TDRD15: variants seen among roughly 807,000 people sequenced by gnomAD.
The protein encoded by TDRD15 is tudor domain-containing protein 15.
For synonymous variants in TDRD15, 503 were observed against 314.5 expected, an observed-to-expected ratio of 1.60 and a Z score of -6.34; for missense variants, 1,416 against 904.7, an observed-to-expected ratio of 1.57 and a Z score of -7.25.
At chr2:21,124,150 C>T (rs1032924993) in intron 1 of TDRD15, 104 bp downstream of exon 1, 1 of 152,732 alleles carries the variant, frequency 6.5e-6, no homozygotes, top group Admixed American at 6.5e-5. Context: ...GCTTTGGCCT[C>T]CCAGGGGCGG....
Position 21,140,404 on chromosome 2 carries a change from GT to G in TDRD15, c.2941del (p.Tyr981IlefsTer11), listed in dbSNP as rs1665898681. 1 of 695,252 alleles carries G rather than the reference GT, an allele frequency of 1.4e-6. No individual in the cohort carries two copies. Among genetic ancestry groups the G allele is most frequent in the Non-Finnish European group, 2.6e-6 (1 of 378,458 alleles). 43.1% of individuals were successfully genotyped at this position (695,252 alleles called of 1,614,324 possible). A position where few individuals can be genotyped will look rare whatever the true frequency, so the allele number is the denominator to read the frequency against. Reference protein sequence around the residue: ...YISHIYSPQKFYCQLGRNNKD... With the variant: ...YISHIYSPQKXYCQLGRNNKD... ...TATCTCACATATATAGTCCCCAAAA[GT>G]TTTATTGCCAGCTTGGCAGAAATAA... On this transcript the variant is annotated frameshift_variant, in exon 4 of 4. Transcript: ENST00000405799. LOFTEE classifies it low-confidence loss of function (END_TRUNC).
chr2:21,143,306 T>A lies in TDRD15; in HGVS notation c.*34T>A, dbSNP rs775095787. ...GTAAGCCTATTTTCCCATTGTTAGA[T>A]CAAAATTGTTACAAAAAACAAAATA... On this transcript the variant is annotated 3_prime_UTR_variant, in exon 4 of 4. Coordinates refer to ENST00000405799, the MANE Select transcript of TDRD15 (RefSeq NM_001306137.2). The A allele has an allele frequency of 5.6e-5, 29 of 519,084 alleles. No individual in the cohort carries two copies. The highest frequency in any genetic ancestry group is 3.8e-4 in the Admixed American group (10 of 26,564). 32.2% of individuals were successfully genotyped at this position (519,084 alleles called of 1,614,324 possible).
At chr2:21,132,550 A>G (rs1056849953) in intron 2 of TDRD15, among the ~76,000 whole-genome samples, 4 of 152,016 alleles carry the variant, frequency 2.6e-5, no homozygotes, top group Non-Finnish European at 4.4e-5. Context: ...TTCCTGGTGG[A>G]TTGTGAGTGG....
In TDRD15 at chr2:21,138,141, A is replaced by T. The variant is rs1030286268; in HGVS notation, c.674A>T (p.Asp225Val). 1 of 716,532 alleles carries T rather than the reference A, an allele frequency of 1.4e-6. No homozygotes were observed. The highest frequency in any genetic ancestry group is 1.7e-5 in the African/African-American group (1 of 57,214). The allele number at this position is 716,532 out of a possible 1,614,324, so 44.4% of individuals were successfully genotyped here. Residue 225 changes from aspartate (D) to valine (V), a missense_variant, in exon 4 of 4, where the codon GAT becomes GTT. Transcript: ENST00000405799. ...TTAGGTAATAAAGATACTTCACTTGATATTCAGCATGTTCTGGATAAGTTG... is the reference window on the plus strand; with the variant it reads ...TTAGGTAATAAAGATACTTCACTTGTTATTCAGCATGTTCTGGATAAGTTG... ...LSLGNKDTSL[D>V]IQHVLDKLQP...
intron 2 of TDRD15, among the ~76,000 whole-genome samples, chr2:21,133,037 T>TG (rs1403013841): frequency 6.6e-6 from 1 of 152,108 alleles, no homozygotes; most frequent in African/African-American, 2.4e-5. Flanking sequence ...GATGTTCCCT[T>TG]GGGGAAAAAA....
rs1356779687 is a variant in TDRD15 at position 21,138,531 on chromosome 2, C to T, written c.1064C>T (p.Ser355Phe). 3 of 715,762 alleles carry T rather than the reference C, an allele frequency of 4.2e-6. No homozygotes were observed. In the Admixed American group the frequency reaches 6.0e-5, roughly 14 times the overall value. 44.3% of individuals were successfully genotyped at this position (715,762 alleles called of 1,614,324 possible). A position where few individuals can be genotyped will look rare whatever the true frequency, so the allele number is the denominator to read the frequency against. Residue 355 changes from serine to phenylalanine, a missense_variant, in exon 4 of 4, where the codon TCT (serine) becomes TTT (phenylalanine). By Grantham distance (155) the Ser-to-Phe change is radical. Transcript: ENST00000405799. Reference sequence around the variant, plus strand: ...GTACCATTATTTTCATTTCCATGTTCTCTGACATGTTTGCACAGTCCAGAT... The same window carrying T: ...GTACCATTATTTTCATTTCCATGTTTTCTGACATGTTTGCACAGTCCAGAT... The part of the protein sequence containing the change: ...ILVPLFSFPC[S>F]LTCLHSPDRD...
Position 21,138,136 on chromosome 2 carries a change from A to G in TDRD15, c.669A>G (p.Ser223=), listed in dbSNP as rs1665847957. The part of the protein sequence containing the change: ...PELSLGNKDT[S]LDIQHVLDKL... The stretch of plus-strand genomic sequence containing the variant: ...TGTCATTAGGTAATAAAGATACTTC[A>G]CTTGATATTCAGCATGTTCTGGATA... The change falls in exon 4 of 4, where the codon TCA becomes TCG. Residue 223 remains serine, a synonymous_variant. Transcript: ENST00000405799. The G allele has an allele frequency of 5.6e-6, 4 of 716,662 alleles. No homozygotes were observed. The East Asian group carries it at 1.1e-4, about 19-fold the overall frequency. The allele number at this position is 716,662 out of a possible 1,614,324, so 44.4% of individuals were successfully genotyped here.
chr2:21,129,107 T>G (rs1377457600), intron 2 of TDRD15, among the ~76,000 whole-genome samples: 1 of 152,144 alleles, frequency 6.6e-6, no homozygotes, highest in African/African-American at 2.4e-5. Context: ...CCACTAATTT[T>G]TGTATTTATG....
At chr2:21,144,837 T>G (rs935100881), downstream of TDRD15, among the ~76,000 whole-genome samples, 1 of 151,820 alleles carries the variant, frequency 6.6e-6, no homozygotes, top group African/African-American at 2.4e-5. Flanking sequence ...AAGACTGACT[T>G]ATATTCATGG....
intron 2 of TDRD15, among the ~76,000 whole-genome samples, chr2:21,131,340 C>T (rs1665714333): frequency 6.6e-6 from 1 of 152,128 alleles, no homozygotes; most frequent in African/African-American, 2.4e-5. Flanking sequence ...CTTATAAAAT[C>T]ATGCATATTT....
At chr2:21,145,677 C>G (rs1294202539), downstream of TDRD15, among the ~76,000 whole-genome samples, 1 of 151,912 alleles carries the variant, frequency 6.6e-6, no homozygotes, top group Non-Finnish European at 1.5e-5. Flanking sequence ...TCCATACTTG[C>G]TATAATCATA....
Position 21,140,009 on chromosome 2 carries a change from G to T in TDRD15, c.2542G>T (p.Ala848Ser). 2.8e-6 allele frequency: 2 copies of T among 715,736 alleles called. No homozygotes were observed. Among genetic ancestry groups the T allele is most frequent in the South Asian group, 3.0e-5 (2 of 67,524 alleles). 44.3% of individuals were successfully genotyped at this position (715,736 alleles called of 1,614,324 possible). A position where few individuals can be genotyped will look rare whatever the true frequency, so the allele number is the denominator to read the frequency against. Residue 848 changes from alanine to serine, a missense_variant, in exon 4 of 4, where the codon GCA (alanine) becomes TCA (serine). By Grantham distance (99) the Ala-to-Ser change is moderately conservative. Coordinates refer to ENST00000405799, the MANE Select transcript of TDRD15 (RefSeq NM_001306137.2). ...AAGGGTTTTAATTGAAGATCTTTGT[G>T]CAATTAACCCACGTTTTCTCTTGTT... Reference protein sequence around the residue: ...QKRVLIEDLCAINPRFLLLES... With the variant: ...QKRVLIEDLCSINPRFLLLES...
downstream of TDRD15, among the ~76,000 whole-genome samples, chr2:21,145,401 C>T (rs1357828545): frequency 6.6e-6 from 1 of 151,860 alleles, no homozygotes; most frequent in East Asian, 1.9e-4. Context: ...TATTCCCATA[C>T]CTGTGTATAT....
Position 21,143,307 on chromosome 2 carries a change from C to A in TDRD15, c.*35C>A. ...TAAGCCTATTTTCCCATTGTTAGAT[C>A]AAAATTGTTACAAAAAACAAAATAT... On this transcript the variant is annotated 3_prime_UTR_variant, in exon 4 of 4. Transcript: ENST00000405799. 1 of 517,846 alleles carries A rather than the reference C, an allele frequency of 1.9e-6. No individual in the cohort carries two copies. The highest frequency in any genetic ancestry group is 3.3e-5 in the South Asian group (1 of 29,870). The allele number at this position is 517,846 out of a possible 1,614,324, so 32.1% of individuals were successfully genotyped here.
At position 21,140,849 on chromosome 2, in the gene TDRD15, T is replaced by G; in HGVS notation, c.3382T>G (p.Ser1128Ala). Residue 1128 changes from serine (S) to alanine (A), a missense_variant, in exon 4 of 4, where the codon TCT becomes GCT. By Grantham distance (99) the Ser-to-Ala change is moderately conservative. Coordinates refer to ENST00000405799, the MANE Select transcript of TDRD15 (RefSeq NM_001306137.2). ...GCTTGGTATAGAATTGTATGATGGA[T>G]CTCAATATATAAATGAGAAAATTAA... ...GQLGIELYDG[S>A]QYINEKIKVL... The G allele has an allele frequency of 1.4e-6, 1 of 713,020 alleles. No homozygotes were observed. The highest frequency in any genetic ancestry group is 2.6e-6 in the Non-Finnish European group (1 of 383,044). The allele number at this position is 713,020 out of a possible 1,614,324, so 44.2% of individuals were successfully genotyped here.
intron 2 of TDRD15, among the ~76,000 whole-genome samples, chr2:21,130,980 G>T (rs985592407): frequency 6.6e-6 from 1 of 152,186 alleles, no homozygotes; most frequent in Admixed American, 6.5e-5. Flanking sequence ...GAACTGTGCA[G>T]ATCGACTCTA....
rs868628990 is a variant in TDRD15 at position 21,137,645 on chromosome 2, G to A, written c.178G>A (p.Val60Met). Residue 60 changes from valine (V) to methionine (M), a missense_variant, in exon 4 of 4, where the codon GTG becomes ATG. Physicochemically the swap from Val to Met is conservative, Grantham distance 21. Transcript: ENST00000405799. Reference protein sequence around the residue: ...IQHTPKVKNNVEIDEFCLVEE... With the variant: ...IQHTPKVKNNMEIDEFCLVEE... ...ACATACTCCAAAAGTGAAAAATAAT[G>A]TGGAAATTGATGAATTTTGTTTGGT... is the stretch of plus-strand genomic sequence containing the variant. 4 of 713,264 alleles carry A rather than the reference G, an allele frequency of 5.6e-6. No individual in the cohort carries two copies. Among genetic ancestry groups the A allele is most frequent in the Admixed American group, 4.1e-5 (2 of 49,316 alleles). The allele number at this position is 713,264 out of a possible 1,614,324, so 44.2% of individuals were successfully genotyped here.
rs1665877578 is a variant in TDRD15, at chr2:21,139,456, A to G, written c.1989A>G (p.Glu663=). The part of the protein sequence containing the change: ...ISLMLQAGYA[E]YFQVELEYFP... ...TTATGTTACAAGCTGGATATGCAGA[A>G]TATTTTCAAGTAGAACTAGAATATT... The change falls in exon 4 of 4, where the codon GAA becomes GAG. Residue 663 remains glutamate (E), a synonymous_variant. Transcript: ENST00000405799. 5.6e-6 allele frequency: 4 copies of G among 708,102 alleles called. No individual in the cohort carries two copies. The highest frequency in any genetic ancestry group is 3.5e-5 in the African/African-American group (2 of 56,586). 43.9% of individuals were successfully genotyped at this position (708,102 alleles called of 1,614,324 possible). A position where few individuals can be genotyped will look rare whatever the true frequency, so the allele number is the denominator to read the frequency against.
intron 1 of TDRD15, among the ~76,000 whole-genome samples, chr2:21,125,267 C>G (rs936969475): frequency 1.5e-5 from 2 of 130,054 alleles, no homozygotes; most frequent in African/African-American, 5.1e-5. Context: ...AATCCTAGTT[C>G]TAGCGTCTGT....
Sources: allele counts gnomAD v4.1 joint callset (sites outside exome capture counted in the v4.1 genomes callset), GRCh38; gene constraint gnomAD v4.1.1; transcripts MANE v1.5; gene names NCBI Gene and HGNC (gene_info 2026-07-23, HGNC 2026-07-21).